Variants in SUN3 observed in about 807,000 individuals in gnomAD.
SUN3 encodes SUN domain-containing protein 3.
A neutral mutation model predicts 48.2 loss-of-function variants in SUN3; 36 were observed. That is an observed-to-expected ratio of 0.75 (90% CI 0.57 to 0.99). The LOEUF (loss-of-function observed/expected upper bound fraction) is 0.99, where lower values mean the gene tolerates loss of function less well. SUN3 is among the 50% of genes least tolerant of loss of function. The pLI, the probability that SUN3 is intolerant of heterozygous loss-of-function variation, is 0.00. For synonymous variants in SUN3, 148 were observed against 147.9 expected, an observed-to-expected ratio of 1.00 and a Z score of 0.00; for missense variants, 419 against 433.1, an observed-to-expected ratio of 0.97 and a Z score of 0.29.
At position 48,007,230 on chromosome 7, in the gene SUN3, C is replaced by T; in HGVS notation, c.427G>A (p.Gly143Ser). The T allele has an allele frequency of 6.2e-7, 1 of 1,614,144 alleles. No individual in the cohort carries two copies. Among genetic ancestry groups the T allele is most frequent in the Non-Finnish European group, 8.5e-7 (1 of 1,180,016 alleles). ...LKALLRDMKD[G>S]MDNNHNWNTH... is the part of the protein sequence containing the mutation. ...TTCCAGTTGTGATTATTGTCCATAC[C>T]ATCCTTCATATCTCTTAGCAATGCC... The change falls in exon 5 of 10, where the codon GGT becomes AGT. Residue 143 changes from glycine to serine, a missense_variant. Coordinates refer to ENST00000297325, the MANE Select transcript of SUN3 (RefSeq NM_001030019.2).
chr7:48,022,739 CA>C (rs1368855204), intron 2 of SUN3, among the ~76,000 whole-genome samples: 1 of 151,852 alleles, frequency 6.6e-6, no homozygotes, highest in Non-Finnish European at 1.5e-5. Flanking sequence ...TGTTGAAAGA[CA>C]AAAACACAGA....
At chr7:48,032,402 G>C (rs757748378), upstream of SUN3, among the ~76,000 whole-genome samples, 1 of 152,126 alleles carries the variant, frequency 6.6e-6, no homozygotes, top group Non-Finnish European at 1.5e-5. Context: ...AGTTTTGTTT[G>C]TTAATTATAT....
At chr7:48,029,957 C>A (rs1408480001), upstream of SUN3, among the ~76,000 whole-genome samples, 1 of 152,012 alleles carries the variant, frequency 6.6e-6, no homozygotes, top group Non-Finnish European at 1.5e-5. Context: ...TTTAGTGTAT[C>A]CAGGTTTGAT....
chr7:47,994,436 C>G lies in SUN3; in HGVS notation c.740G>C (p.Gly247Ala), dbSNP rs1031352916. The G allele has an allele frequency of 1.2e-6, 2 of 1,610,984 alleles. No individual in the cohort carries two copies. The highest frequency in any genetic ancestry group is 1.7e-5 in the Admixed American group (1 of 59,160). ...TGTAGCAAGCTTGATTAGGGTATGA[C>G]CCTGGGAACCTGGAAAAGCCCAGCA... is the stretch of plus-strand genomic sequence containing the variant. ...GKCWAFPGSQ[G>A]HTLIKLATKI... The change falls in exon 8 of 10, where the codon GGT becomes GCT. Residue 247 changes from glycine to alanine, a missense_variant. Physicochemically the swap from Gly to Ala is moderately conservative, Grantham distance 60. Coordinates refer to ENST00000297325, the MANE Select transcript of SUN3 (RefSeq NM_001030019.2).
At chr7:48,000,570 T>C (rs914722547) in intron 6 of SUN3, among the ~76,000 whole-genome samples, 6 of 152,196 alleles carry the variant, frequency 3.9e-5, no homozygotes, top group African/African-American at 1.4e-4. Context: ...ATTTTCTTAG[T>C]TTTTCTCCAT....
intron 1 of SUN3, among the ~76,000 whole-genome samples, chr7:48,026,883 T>A (rs1167664773): frequency 6.6e-6 from 1 of 152,110 alleles, no homozygotes; most frequent in Non-Finnish European, 1.5e-5. Context: ...TCCAAAACTG[T>A]TAAAAAAAGT....
At chr7:48,014,759 A>G (rs1789765869) in intron 3 of SUN3, among the ~76,000 whole-genome samples, 2 of 152,192 alleles carry the variant, frequency 1.3e-5, no homozygotes, top group African/African-American at 2.4e-5. Context: ...CAATGTATAT[A>G]TAGAGAGAGA....
intron 6 of SUN3, among the ~76,000 whole-genome samples, chr7:48,001,432 G>T (rs894412300): frequency 1.3e-5 from 2 of 151,800 alleles, no homozygotes; most frequent in African/African-American, 4.8e-5. Context: ...CTTTTTTGTG[G>T]CTGCATAGTA....
intron 9 of SUN3, 90 bp from the exon 10 acceptor site, chr7:47,987,539 C>CTT: frequency 5.3e-5 from 57 of 1,069,632 alleles, no homozygotes; most frequent in Non-Finnish European, 6.0e-5. Flanking sequence ...AAATTATATA[C>CTT]TTTTTTTTTT....
chr7:48,029,749 G>T (rs1440149161), upstream of SUN3, among the ~76,000 whole-genome samples: 1 of 152,146 alleles, frequency 6.6e-6, no homozygotes, highest in Non-Finnish European at 1.5e-5. Context: ...TAGGTGGAAG[G>T]ATGAGCTGGT....
upstream of SUN3, among the ~76,000 whole-genome samples, chr7:48,029,872 C>T (rs1466347560): frequency 6.6e-6 from 1 of 152,160 alleles, no homozygotes; most frequent in Non-Finnish European, 1.5e-5. Context: ...GTCTTATCTT[C>T]ATTTCTCTGT....
At chr7:47,996,698 A>T (rs6944437) in intron 6 of SUN3, among the ~76,000 whole-genome samples, 66,986 of 152,076 alleles carry the variant, frequency 0.44, 15,567 homozygotes, top group Non-Finnish European at 0.51. Context: ...ATAAATAAAG[A>T]AAATGCAAAT....
chr7:47,990,877 A>G, intron 8 of SUN3: 1 of 368,332 alleles, frequency 2.7e-6, no homozygotes. Context: ...CTATGTTCTC[A>G]CTTGTAAGTG....
chr7:48,008,420 A>G (rs1304308433), intron 4 of SUN3, among the ~76,000 whole-genome samples: 1 of 152,242 alleles, frequency 6.6e-6, no homozygotes, highest in Non-Finnish European at 1.5e-5. Flanking sequence ...AAATCATTAA[A>G]AACTATTTTA....
chr7:48,026,538 T>G (rs1376090356), intron 1 of SUN3, among the ~76,000 whole-genome samples: 2 of 151,452 alleles, frequency 1.3e-5, no homozygotes, highest in Non-Finnish European at 2.9e-5. Flanking sequence ...GACTGGAAAT[T>G]GAGCATACTC....
At chr7:48,025,969 G>A (rs201660471) in intron 1 of SUN3, 31 bp from the exon 2 acceptor site, 2 of 1,479,528 alleles carry the variant, frequency 1.4e-6, no homozygotes, top group South Asian at 2.4e-5. Context: ...ATTAGAAAAA[G>A]AATTTAACAA....
chr7:48,011,755 A>G (rs923610161), intron 3 of SUN3, among the ~76,000 whole-genome samples: 33 of 152,344 alleles, frequency 2.2e-4, no homozygotes, highest in Non-Finnish European at 2.9e-4. Context: ...AAGTTCTACT[A>G]TAGGAACTTG....
At chr7:48,005,867 C>A in intron 6 of SUN3, 102 bp downstream of exon 6, 6 of 554,634 alleles carry the variant, frequency 1.1e-5, no homozygotes, top group Non-Finnish European at 1.8e-5. Context: ...CCCAAGTTAC[C>A]AGATAAATAT....
rs563803906 is a variant in SUN3 at position 47,994,820 on chromosome 7, G to A, written c.694-338C>T. ...TGTGATCATTGTGGTGATGATGGTG[G>A]TAATAATGGTGGCAGTGGAGGTGAC... On this transcript the variant is annotated intron_variant, in intron 7 of 9. Transcript: ENST00000297325. Among the ~76,000 whole-genome samples, 10 of 152,344 alleles carry A rather than the reference G, an allele frequency of 6.6e-5. No individual in the cohort carries two copies. The East Asian group carries it at 1.9e-3, about 29-fold the overall frequency.
Sources: allele counts gnomAD v4.1 joint callset (sites outside exome capture counted in the v4.1 genomes callset), GRCh38; gene constraint gnomAD v4.1.1; transcripts MANE v1.5; gene names NCBI Gene and HGNC (gene_info 2026-07-23, HGNC 2026-07-21).